GPC5: variants seen among roughly 807,000 people sequenced by gnomAD.
GPC5 encodes the protein glypican 5, also known as glypican-5.
In GPC5, 47 loss-of-function variants were observed where a neutral mutation model predicts 53.9. The ratio of observed to expected loss-of-function variants is 0.87; its 90% confidence interval spans 0.69 to 1.11. The LOEUF is 1.11. Among genes scored for constraint, GPC5 ranks in the 50% most tolerant of loss-of-function variants. GPC5 has a pLI of 0.00. For missense variants in GPC5, 748 were observed against 713.1 expected (o/e 1.05, Z -0.56); for synonymous variants, 286 against 263.3 (o/e 1.09, Z -0.84).
chr13:92,853,978 A>T (rs1414714652), intron 7 of GPC5, among the ~76,000 whole-genome samples: 1 of 148,450 alleles, frequency 6.7e-6, no homozygotes, highest in East Asian at 2.2e-4. Context: ...TTCTTTTAAG[A>T]CCATAGATGA....
chr13:92,621,925 C>T (rs1351926414), intron 7 of GPC5, among the ~76,000 whole-genome samples: 6 of 152,108 alleles, frequency 3.9e-5, no homozygotes, highest in Non-Finnish European at 8.8e-5. Context: ...TACTCAACTA[C>T]AACAACAAAA....
At position 91,439,336 on chromosome 13, in the gene GPC5, A is replaced by G. The variant is rs1044985761; in HGVS notation, c.164-9425A>G. Among the ~76,000 whole-genome samples, 4 of 152,142 alleles carry G rather than the reference A, an allele frequency of 2.6e-5. No individual in the cohort carries two copies. In the East Asian group the frequency reaches 5.8e-4, roughly 22 times the overall value. On this transcript the variant is annotated intron_variant, in intron 1 of 7. Transcript: ENST00000377067. ...GCTGGGTTCGAGACAGCTCCCTGAG[A>G]AAAAAAAGAATTATCTAGCCCCAAG...
At chr13:92,446,676 T>G (rs1343690051) in intron 7 of GPC5, 1 of 152,124 alleles carries the variant, frequency 6.6e-6, no homozygotes, top group Non-Finnish European at 1.5e-5. Context: ...CATACAGTAG[T>G]TCTATTTTGA....
chr13:91,510,193 A>G (rs1885161511), intron 2 of GPC5, among the ~76,000 whole-genome samples: 1 of 152,190 alleles, frequency 6.6e-6, no homozygotes, highest in Non-Finnish European at 1.5e-5. Flanking sequence ...TTAATTATAA[A>G]TACAATAATC....
chr13:91,911,448 G>C (rs924890098), intron 6 of GPC5, among the ~76,000 whole-genome samples: 1 of 152,124 alleles, frequency 6.6e-6, no homozygotes, highest in Admixed American at 6.6e-5. Flanking sequence ...GGAGACTGAG[G>C]CAGGAGAATC....
intron 3 of GPC5, among the ~76,000 whole-genome samples, chr13:91,712,791 C>T (rs920431762): frequency 5.9e-5 from 9 of 151,898 alleles, no homozygotes; most frequent in African/African-American, 1.5e-4. Context: ...CAATAAAGGA[C>T]ACTCCTGGCC....
chr13:92,578,268 A>G (rs762538842), intron 7 of GPC5, among the ~76,000 whole-genome samples: 41 of 152,214 alleles, frequency 2.7e-4, no homozygotes, highest in Non-Finnish European at 4.7e-4. Flanking sequence ...TATGCAACTC[A>G]GTTTCCATAA....
intron 2 of GPC5, among the ~76,000 whole-genome samples, chr13:91,568,820 C>G: frequency 6.6e-6 from 1 of 150,650 alleles, no homozygotes; most frequent in South Asian, 2.1e-4. Context: ...GCAATCTGAG[C>G]TCACTGCAAC....
In GPC5 at chr13:91,735,210, C is replaced by T. The variant is rs1021820702; in HGVS notation, c.1154+6545C>T. On this transcript the variant is annotated intron_variant, in intron 4 of 7. Transcript: ENST00000377067. ...GATTCTACTATATTTTTTCTACTAG[C>T]TCTATGGTTTTTTCTCTTATTATAC... 2.0e-5 allele frequency among the ~76,000 whole-genome samples: 3 copies of T among 151,094 alleles called. 1 individual carries two copies. The highest frequency in any genetic ancestry group is 7.4e-5 in the African/African-American group (3 of 40,584).
chr13:92,666,413 A>C lies in GPC5; in HGVS notation c.1562-199869A>C, dbSNP rs1886566726. Reference sequence around the variant, plus strand: ...AAATCAGTGAATATTTAAGGATATAATCTGGCAATTGCATGTTTCTGCTGG... The same window carrying C: ...AAATCAGTGAATATTTAAGGATATACTCTGGCAATTGCATGTTTCTGCTGG... On this transcript the variant is annotated intron_variant, in intron 7 of 7. Transcript: ENST00000377067. 2.6e-5 allele frequency among the ~76,000 whole-genome samples: 4 copies of C among 152,312 alleles called. No individual in the cohort carries two copies. The South Asian group carries it at 8.3e-4, about 32-fold the overall frequency.
intron 6 of GPC5, among the ~76,000 whole-genome samples, chr13:92,044,415 G>A (rs2040965622): frequency 6.6e-6 from 1 of 152,192 alleles, no homozygotes; most frequent in Admixed American, 6.5e-5. Flanking sequence ...GGATTGGGGA[G>A]CCATAGAATC....
At chr13:92,423,151 T>C (rs879931970) in intron 7 of GPC5, among the ~76,000 whole-genome samples, 1 of 152,148 alleles carries the variant, frequency 6.6e-6, no homozygotes, top group Non-Finnish European at 1.5e-5. Flanking sequence ...AGTACACTAA[T>C]CTATTTATAA....
chr13:91,888,482 G>T (rs147122761), intron 5 of GPC5, among the ~76,000 whole-genome samples: 189 of 152,268 alleles, frequency 1.2e-3, no homozygotes, highest in African/African-American at 4.3e-3. Context: ...GTGGAGATAA[G>T]GTTGATACGC....
chr13:92,639,479 C>CT (rs1885518363), intron 7 of GPC5, among the ~76,000 whole-genome samples: 1 of 152,104 alleles, frequency 6.6e-6, no homozygotes, highest in African/African-American at 2.4e-5. Flanking sequence ...GATTTAAATC[C>CT]TTTGAGTGGC....
At chr13:92,782,069 G>A (rs1348518523) in intron 7 of GPC5, among the ~76,000 whole-genome samples, 2 of 149,222 alleles carry the variant, frequency 1.3e-5, no homozygotes, top group African/African-American at 4.9e-5. Flanking sequence ...GAAGGGGAAG[G>A]GAACGGGAAG....
intron 3 of GPC5, among the ~76,000 whole-genome samples, chr13:91,708,148 A>G (rs2036147477): frequency 6.6e-6 from 1 of 152,244 alleles, no homozygotes; most frequent in South Asian, 2.1e-4. Context: ...AAAAGCGTTT[A>G]TAAGGTATTC....
chr13:92,243,996 A>T (rs2042632647), intron 7 of GPC5, among the ~76,000 whole-genome samples: 1 of 152,304 alleles, frequency 6.6e-6, no homozygotes, highest in African/African-American at 2.4e-5. Flanking sequence ...AACTATTTCA[A>T]AAGGCAAAGT....
intron 1 of GPC5, among the ~76,000 whole-genome samples, chr13:91,431,153 A>G (rs1879418495): frequency 6.6e-6 from 1 of 152,206 alleles, no homozygotes; most frequent in South Asian, 2.1e-4. Flanking sequence ...TGCTGGGATT[A>G]CAGGTATGAG....
At chr13:92,199,507 T>C (rs1342904348) in intron 7 of GPC5, among the ~76,000 whole-genome samples, 1 of 152,204 alleles carries the variant, frequency 6.6e-6, no homozygotes, top group Non-Finnish European at 1.5e-5. Flanking sequence ...TTCATAAAAA[T>C]TTAAAGTAGG....
Sources: allele counts gnomAD v4.1 joint callset (sites outside exome capture counted in the v4.1 genomes callset), GRCh38; gene constraint gnomAD v4.1.1; transcripts MANE v1.5; gene names NCBI Gene and HGNC (gene_info 2026-07-23, HGNC 2026-07-21).